Variants in PLA2G2D observed in about 807,000 individuals in gnomAD.
The protein encoded by PLA2G2D is group IID secretory phospholipase A2.
In PLA2G2D, 17 loss-of-function variants were observed where a neutral mutation model predicts 13.9. That is an observed-to-expected ratio of 1.23 (90% CI 0.84 to 1.84). PLA2G2D has a LOEUF of 1.84. PLA2G2D is among the 40% of genes most tolerant of loss of function. The probability of loss-of-function intolerance (pLI) is 0.00; values close to 1 mark genes in which losing one functional copy is unlikely to be tolerated. For missense variants in PLA2G2D, 194 were observed against 178.7 expected, an observed-to-expected ratio of 1.09 and a Z score of -0.49; for synonymous variants, 83 against 69.3, an observed-to-expected ratio of 1.20 and a Z score of -0.98.
At chr1:20,116,971 A>G (rs2100675541) in intron 1 of PLA2G2D, among the ~76,000 whole-genome samples, 1 of 152,104 alleles carries the variant, frequency 6.6e-6, no homozygotes, top group Admixed American at 6.5e-5. Context: ...AAGGAAAAAA[A>G]GTGACAATTA....
intron 3 of PLA2G2D, 63 bp from the exon 4 acceptor site, chr1:20,114,322 C>A: frequency 2.0e-6 from 3 of 1,522,346 alleles, no homozygotes; most frequent in Non-Finnish European, 2.7e-6. Flanking sequence ...AGGTATGAGT[C>A]TAGCAGCCTC....
At chr1:20,114,624 G>A (rs1345098529) in intron 3 of PLA2G2D, among the ~76,000 whole-genome samples, 3 of 152,160 alleles carry the variant, frequency 2.0e-5, no homozygotes, top group African/African-American at 7.2e-5. Context: ...AGAAAACAGG[G>A]TGGAAGAGCC....
At position 20,114,102 on chromosome 1, in the gene PLA2G2D, G is replaced by A. The variant is rs2016935352; in HGVS notation, c.*12C>T. 3 of 1,611,290 alleles carry A rather than the reference G, an allele frequency of 1.9e-6. No homozygotes were observed. The highest frequency in any genetic ancestry group is 2.5e-6 in the Non-Finnish European group (3 of 1,179,078). On this transcript the variant is annotated 3_prime_UTR_variant, in exon 4 of 4. Coordinates refer to ENST00000375105, the MANE Select transcript of PLA2G2D (RefSeq NM_012400.4). ...GCTCCATGCTGAGGAACAGGGTAGA[G>A]GGTGTGGGCTTCTAGCACCCAGGGG... is the stretch of plus-strand genomic sequence containing the variant.
At chr1:20,115,039 T>C (rs973298370) in intron 3 of PLA2G2D, among the ~76,000 whole-genome samples, 2 of 152,116 alleles carry the variant, frequency 1.3e-5, no homozygotes, top group African/African-American at 4.8e-5. Flanking sequence ...TTCCCCACTC[T>C]AGTTTTGGTT....
chr1:20,116,046 G>A (rs1194765963), intron 2 of PLA2G2D, among the ~76,000 whole-genome samples: 1 of 152,126 alleles, frequency 6.6e-6, no homozygotes, highest in African/African-American at 2.4e-5. Context: ...TGGTGAGGGG[G>A]CTTTAAAAAC....
chr1:20,117,379 C>T (rs529656914), intron 1 of PLA2G2D, among the ~76,000 whole-genome samples: 3 of 152,120 alleles, frequency 2.0e-5, no homozygotes, highest in Admixed American at 6.5e-5. Context: ...CCAAGTCACC[C>T]TTCTTACCTC....
chr1:20,115,856 A>G (rs1223010214), intron 2 of PLA2G2D, among the ~76,000 whole-genome samples: 1 of 152,110 alleles, frequency 6.6e-6, no homozygotes, highest in Non-Finnish European at 1.5e-5. Context: ...TACTCATATT[A>G]TCCGCTCTTC....
intron 3 of PLA2G2D, 148 bp from the exon 4 acceptor site, chr1:20,114,407 C>G (rs2016942331): frequency 4.0e-6 from 3 of 744,504 alleles, no homozygotes; most frequent in Non-Finnish European, 4.3e-6. Flanking sequence ...CATGACTTGG[C>G]CACGTACCGT....
intron 3 of PLA2G2D, among the ~76,000 whole-genome samples, chr1:20,115,296 G>A (rs959216855): frequency 1.3e-5 from 2 of 152,090 alleles, no homozygotes; most frequent in Non-Finnish European, 2.9e-5. Context: ...GTCAGTCGTG[G>A]GCCTGAATTC....
At position 20,113,846 on chromosome 1, in the gene PLA2G2D, C is replaced by T. The variant is rs964892153; in HGVS notation, c.*268G>A. On this transcript the variant is annotated 3_prime_UTR_variant, in exon 4 of 4. Coordinates refer to ENST00000375105, the MANE Select transcript of PLA2G2D (RefSeq NM_012400.4). ...ACAGCGGCAGACCCCTCCCCCACCCCGATGCTTTGGTCCAAACACCACCTC... is the reference window on the plus strand; with the variant it reads ...ACAGCGGCAGACCCCTCCCCCACCCTGATGCTTTGGTCCAAACACCACCTC... 2.1e-5 allele frequency: 8 copies of T among 386,176 alleles called. No individual in the cohort carries two copies. The Admixed American group carries it at 2.1e-4, about 10-fold the overall frequency. 23.9% of individuals were successfully genotyped at this position (386,176 alleles called of 1,614,324 possible). A position where few individuals can be genotyped will look rare whatever the true frequency, so the allele number is the denominator to read the frequency against.
rs2016913948 is a variant in PLA2G2D at position 20,112,938 on chromosome 1, G to C, written c.*1176C>G. ...GGCAGGGGGAAGGCAGCTCCCACTAGACCAGGGCAGTATTTAGGGGAAGGA... is the reference window on the plus strand; with the variant it reads ...GGCAGGGGGAAGGCAGCTCCCACTACACCAGGGCAGTATTTAGGGGAAGGA... On this transcript the variant is annotated 3_prime_UTR_variant, in exon 4 of 4. Transcript: ENST00000375105. 1.3e-5 allele frequency: 2 copies of C among 152,318 alleles called. No homozygotes were observed. The highest frequency in any genetic ancestry group is 2.4e-5 in the African/African-American group (1 of 41,458). The allele number at this position is 152,318 out of a possible 1,614,324, so 9.4% of individuals were successfully genotyped here.
intron 3 of PLA2G2D, among the ~76,000 whole-genome samples, chr1:20,114,691 T>C (rs1271514446): frequency 6.6e-6 from 1 of 150,400 alleles, no homozygotes; most frequent in African/African-American, 2.5e-5. Flanking sequence ...GGTTTGGGAG[T>C]GGGGGATGGC....
At chr1:20,114,747 T>C (rs1374235511) in intron 3 of PLA2G2D, among the ~76,000 whole-genome samples, 2 of 152,122 alleles carry the variant, frequency 1.3e-5, no homozygotes, top group African/African-American at 2.4e-5. Flanking sequence ...CACAGTTTCA[T>C]TATCCATGAA....
intron 1 of PLA2G2D, among the ~76,000 whole-genome samples, chr1:20,117,191 C>T (rs1340940662): frequency 6.6e-6 from 1 of 152,194 alleles, no homozygotes; most frequent in African/African-American, 2.4e-5. Context: ...AAAACCAACA[C>T]TGGTACAATG....
chr1:20,115,656 C>T lies in PLA2G2D; in HGVS notation c.186-43G>A, dbSNP rs375208675. 19 of 1,249,840 alleles carry T rather than the reference C, an allele frequency of 1.5e-5. No homozygotes were observed. In the African/African-American group the frequency reaches 2.4e-4, roughly 16 times the overall value. The allele number at this position is 1,249,840 out of a possible 1,614,324, so 77.4% of individuals were successfully genotyped here. A position where few individuals can be genotyped will look rare whatever the true frequency, so the allele number is the denominator to read the frequency against. On this transcript the variant is annotated intron_variant, in intron 2 of 3. Transcript: ENST00000375105. ...CACAGCTGCATGGGTCCCCAGCCTA[C>T]TGGGGTCTCTGGCTGCTCCCCCTAC...
chr1:20,116,852 C>T (rs1037000478), intron 1 of PLA2G2D, among the ~76,000 whole-genome samples: 2 of 152,154 alleles, frequency 1.3e-5, no homozygotes, highest in African/African-American at 2.4e-5. Flanking sequence ...TGGTGGTGGA[C>T]ACCTGTCGTC....
Position 20,116,458 on chromosome 1 carries a change from G to T in PLA2G2D, c.60C>A (p.Gly20=), listed in dbSNP as rs746535618. 1.9e-6 allele frequency: 3 copies of T among 1,614,094 alleles called. No individual in the cohort carries two copies. Among genetic ancestry groups the T allele is most frequent in the Non-Finnish European group, 2.5e-6 (3 of 1,180,002 alleles). Residue 20 remains glycine (G), a synonymous_variant, in exon 2 of 4, where the codon GGC becomes GGA. Transcript: ENST00000375105. ...VVMAGVIPIQ[G]GILNLNKMVK... ...CCATCTTGTTCAGGTTCAGGATCCC[G>T]CCCTGGATTGGAATCACACCTGCCA...
rs969858401 is a variant in PLA2G2D at position 20,113,745 on chromosome 1, T to G, written c.*369A>C. 1 of 209,186 alleles carries G rather than the reference T, an allele frequency of 4.8e-6. No homozygotes were observed. The highest frequency in any genetic ancestry group is 9.6e-6 in the Non-Finnish European group (1 of 104,452). The allele number at this position is 209,186 out of a possible 1,614,324, so 13.0% of individuals were successfully genotyped here. A position where few individuals can be genotyped will look rare whatever the true frequency, so the allele number is the denominator to read the frequency against. ...ACAGAAAGATCAATATTGCCCTTTA[T>G]AGTGGCTGCTGCGGTTGTAGCTCCG... On this transcript the variant is annotated 3_prime_UTR_variant, in exon 4 of 4. Coordinates refer to ENST00000375105, the MANE Select transcript of PLA2G2D (RefSeq NM_012400.4).
intron 2 of PLA2G2D, 42 bp from the exon 3 acceptor site, chr1:20,115,655 A>G: frequency 7.9e-7 from 1 of 1,272,000 alleles, no homozygotes; most frequent in Non-Finnish European, 1.1e-6. Flanking sequence ...TCCCCAGCCT[A>G]CTGGGGTCTC....
Sources: gnomAD v4.1 joint callset for allele counts (sites outside exome capture counted in the v4.1 genomes callset) on GRCh38, gnomAD v4.1.1 for gene constraint, MANE v1.5 for transcripts, NCBI Gene and HGNC (gene_info 2026-07-23, HGNC 2026-07-21) for gene names.